Variants in MAPRE3 observed in about 807,000 individuals in gnomAD.
MAPRE3 encodes microtubule-associated protein RP/EB family member 3.
In MAPRE3, 2 loss-of-function variants were observed where a neutral mutation model predicts 30.5. The observed-to-expected ratio is 0.07, with a 90% CI of 0.03 to 0.21. MAPRE3 has a LOEUF of 0.21. Ranked by LOEUF, MAPRE3 falls within the 10% of genes least tolerant of loss-of-function variation. The pLI is 1.00. For synonymous variants in MAPRE3, 110 were observed against 127.7 expected, an observed-to-expected ratio of 0.86 and a Z score of 0.93; for missense variants, 204 against 351.8, an observed-to-expected ratio of 0.58 and a Z score of 3.36.
intron 2 of MAPRE3, 198 bp downstream of exon 2, chr2:27,022,537 C>G: frequency 1.5e-6 from 1 of 645,388 alleles, no homozygotes; most frequent in South Asian, 2.0e-5. Context: ...ATGGTGTAGC[C>G]TACTACACAC....
At chr2:27,018,107 C>T (rs1667027036) in intron 1 of MAPRE3, among the ~76,000 whole-genome samples, 2 of 152,308 alleles carry the variant, frequency 1.3e-5, no homozygotes, top group South Asian at 2.1e-4. Context: ...TCAGTAGTCA[C>T]CCCTTGAAAT....
Position 27,025,537 on chromosome 2 carries a change from C to T in MAPRE3, c.470-46C>T, listed in dbSNP as rs114639384. ...ACACCAGGCTGTCTCCTGCCACGTG[C>T]GCTGTGGGCTCACGTGGACTTACCT... On this transcript the variant is annotated intron_variant, in intron 4 of 6. Coordinates refer to ENST00000233121, the MANE Select transcript of MAPRE3 (RefSeq NM_012326.4). The T allele has an allele frequency of 5.4e-4, 824 of 1,517,070 alleles. 4 individuals are homozygous for T. In the African/African-American group the frequency reaches 9.8e-3, roughly 18 times the overall value. 94.0% of individuals were successfully genotyped at this position (1,517,070 alleles called of 1,614,324 possible). A position where few individuals can be genotyped will look rare whatever the true frequency, so the allele number is the denominator to read the frequency against.
At chr2:27,008,407 A>C (rs1666776457) in intron 1 of MAPRE3, among the ~76,000 whole-genome samples, 1 of 152,210 alleles carries the variant, frequency 6.6e-6, no homozygotes, top group South Asian at 2.1e-4. Context: ...TGGGCAACAT[A>C]GTGAGACTTC....
rs553934489 is a variant in MAPRE3 at position 27,019,315 on chromosome 2, G to A, written c.-7-2897G>A. ...TCAGAAAAAGTCCCCTGGAGCTAAA[G>A]CAGAGTCCTGAGGCTGAGTGCTGGG... On this transcript the variant is annotated intron_variant, in intron 1 of 6. Transcript: ENST00000233121. 2.0e-5 allele frequency among the ~76,000 whole-genome samples: 3 copies of A among 148,246 alleles called. No individual in the cohort carries two copies. The South Asian group carries it at 6.6e-4, about 33-fold the overall frequency.
chr2:27,025,941 A>G lies in MAPRE3; in HGVS notation c.686A>G (p.Lys229Arg). ...AAGGAACGTGACTTCTACTTCAGCA[A>G]ACTTCGTGACATCGAGCTCATCTGC... ...LEKERDFYFS[K>R]LRDIELICQE... Residue 229 changes from lysine to arginine, a missense_variant, in exon 6 of 7, where the codon AAA becomes AGA. Transcript: ENST00000233121. The G allele has an allele frequency of 6.2e-7, 1 of 1,614,220 alleles. No individual in the cohort carries two copies. Among genetic ancestry groups the G allele is most frequent in the Non-Finnish European group, 8.5e-7 (1 of 1,180,032 alleles).
At chr2:26,993,448 G>A (rs1452164833) in intron 1 of MAPRE3, among the ~76,000 whole-genome samples, 3 of 152,158 alleles carry the variant, frequency 2.0e-5, no homozygotes, top group Non-Finnish European at 4.4e-5. Flanking sequence ...TTAACCATCT[G>A]TTCTATCATC....
intron 1 of MAPRE3, among the ~76,000 whole-genome samples, chr2:26,974,987 G>T (rs191965749): frequency 7.3e-4 from 111 of 152,304 alleles, no homozygotes; most frequent in South Asian, 1.5e-3. Context: ...CAGAGAAAAG[G>T]TTTGTACCGG....
chr2:27,019,674 G>A (rs112470862), intron 1 of MAPRE3, among the ~76,000 whole-genome samples: 3 of 152,214 alleles, frequency 2.0e-5, no homozygotes, highest in East Asian at 1.9e-4. Flanking sequence ...GTCTTTAGGC[G>A]CTCCCAAGAC....
intron 1 of MAPRE3, among the ~76,000 whole-genome samples, chr2:27,021,171 T>A (rs1667103582): frequency 6.6e-6 from 1 of 152,246 alleles, no homozygotes; most frequent in African/African-American, 2.4e-5. Flanking sequence ...TCATTTTATA[T>A]AAGGGACTTG....
At chr2:26,974,252 G>T (rs1665972055) in intron 1 of MAPRE3, among the ~76,000 whole-genome samples, 1 of 152,194 alleles carries the variant, frequency 6.6e-6, no homozygotes. Flanking sequence ...AATTAGCCCT[G>T]TAGGCAAGGG....
intron 1 of MAPRE3, among the ~76,000 whole-genome samples, chr2:26,993,621 T>C (rs1666396136): frequency 6.6e-6 from 1 of 152,124 alleles, no homozygotes; most frequent in South Asian, 2.1e-4. Flanking sequence ...CGGGAGGATG[T>C]GTAGCTCCTG....
At chr2:27,025,366 C>T (rs2148230734) in intron 4 of MAPRE3, among the ~76,000 whole-genome samples, 1 of 152,354 alleles carries the variant, frequency 6.6e-6, no homozygotes, top group Non-Finnish European at 1.5e-5. Context: ...ATAGTTTCTG[C>T]TCTCCCGGGC....
At chr2:26,987,281 G>A (rs536273301) in intron 1 of MAPRE3, among the ~76,000 whole-genome samples, 63 of 152,216 alleles carry the variant, frequency 4.1e-4, no homozygotes, top group African/African-American at 1.4e-3. Context: ...GTAGAGTTGC[G>A]ACTGAGGAAG....
intron 1 of MAPRE3, among the ~76,000 whole-genome samples, chr2:26,977,163 C>T (rs969578502): frequency 6.6e-6 from 1 of 152,158 alleles, no homozygotes; most frequent in African/African-American, 2.4e-5. Context: ...GAGCATGTGC[C>T]AAGTCATAAG....
In MAPRE3 at chr2:26,985,997, G is replaced by A. The variant is rs1434221962; in HGVS notation, c.-8+15195G>A. Among the ~76,000 whole-genome samples, 1 of 152,172 alleles carries A rather than the reference G, an allele frequency of 6.6e-6. No homozygotes were observed. Among genetic ancestry groups the A allele is most frequent in the Non-Finnish European group, 1.5e-5 (1 of 68,026 alleles). ...CCAGACCAGTGAGAGAATGACCTTT[G>A]TTGTTTTCAGCCACCCAGTTTGTGG... On this transcript the variant is annotated intron_variant, in intron 1 of 6. Coordinates refer to ENST00000233121, the MANE Select transcript of MAPRE3 (RefSeq NM_012326.4). This position sits in a 1 kb window ranked among gnomAD's most constrained non-coding sequence, Gnocchi z 4.2.
At chr2:27,002,857 G>C (rs1279899586) in intron 1 of MAPRE3, 1 of 152,212 alleles carries the variant, frequency 6.6e-6, no homozygotes, top group Non-Finnish European at 1.5e-5. Context: ...GCTTGTCTTA[G>C]ATTGAGATGC....
chr2:26,974,065 G>A (rs1038215066), intron 1 of MAPRE3, among the ~76,000 whole-genome samples: 10 of 152,320 alleles, frequency 6.6e-5, no homozygotes, highest in South Asian at 4.1e-4. Flanking sequence ...CATGCAGAAC[G>A]TATGTAAAAA....
intron 1 of MAPRE3, among the ~76,000 whole-genome samples, chr2:27,011,159 G>A (rs1467683623): frequency 6.6e-6 from 1 of 152,042 alleles, no homozygotes; most frequent in Non-Finnish European, 1.5e-5. Context: ...TTGGTCTTAT[G>A]CTCTTTTTTT....
At chr2:26,990,505 CAA>C (rs1048056470) in intron 1 of MAPRE3, among the ~76,000 whole-genome samples, 9 of 151,824 alleles carry the variant, frequency 5.9e-5, no homozygotes, top group African/African-American at 2.2e-4. Context: ...ATGCAACCAT[CAA>C]AGAGAATGAG....
Sources: allele counts gnomAD v4.1 joint callset (sites outside exome capture counted in the v4.1 genomes callset), GRCh38; gene constraint gnomAD v4.1.1; non-coding constraint Gnocchi (gnomAD v3.1); transcripts MANE v1.5; gene names NCBI Gene and HGNC (gene_info 2026-07-23, HGNC 2026-07-21).